The following MYRF variants were observed in gnomAD, a reference collection of about 807,000 sequenced individuals.
MYRF encodes the protein myelin regulatory factor.
Under a neutral mutation model 126.3 loss-of-function variants are expected in MYRF, and 16 were observed. That is an observed-to-expected ratio of 0.13 (90% CI 0.09 to 0.19). MYRF has a LOEUF of 0.19. MYRF is among the 10% of genes least tolerant of loss of function. MYRF has a pLI of 1.00. For missense variants in MYRF, 1,104 were observed against 1,547.0 expected, an observed-to-expected ratio of 0.71 and a Z score of 4.80; for synonymous variants, 608 against 635.3, an observed-to-expected ratio of 0.96 and a Z score of 0.65.
intron 1 of MYRF, among the ~76,000 whole-genome samples, chr11:61,759,359 T>A (rs1277886699): frequency 6.6e-6 from 1 of 152,186 alleles, no homozygotes; most frequent in African/African-American, 2.4e-5. Flanking sequence ...TGGCTAAAGA[T>A]TCTGGGTCTC....
Position 61,757,719 on chromosome 11 carries a change from A to T in MYRF, c.46+4929A>T. 1 of 362,058 alleles carries T rather than the reference A, an allele frequency of 2.8e-6. No homozygotes were observed. The highest frequency in any genetic ancestry group is 5.5e-6 in the Non-Finnish European group (1 of 181,084). 22.4% of individuals were successfully genotyped at this position (362,058 alleles called of 1,614,324 possible). A position where few individuals can be genotyped will look rare whatever the true frequency, so the allele number is the denominator to read the frequency against. ...AGGGGCTTGGCTGTATTGTGACTTC[A>T]TCTGCTGCACCCAGGCTCTTTGCAC... On this transcript the variant is annotated intron_variant, in intron 1 of 26. Coordinates refer to ENST00000278836, the MANE Select transcript of MYRF (RefSeq NM_001127392.3). This position sits in a 1 kb window ranked among gnomAD's most constrained non-coding sequence, Gnocchi z 4.7.
In MYRF at chr11:61,776,522, C is replaced by T; in HGVS notation, c.1499+90C>T. 9.4e-7 allele frequency: 1 copy of T among 1,060,348 alleles called. No homozygotes were observed. The highest frequency in any genetic ancestry group is 1.4e-6 in the Non-Finnish European group (1 of 716,808). The allele number at this position is 1,060,348 out of a possible 1,614,324, so 65.7% of individuals were successfully genotyped here. A position where few individuals can be genotyped will look rare whatever the true frequency, so the allele number is the denominator to read the frequency against. Reference sequence around the variant, plus strand: ...GTGGCACACCAGGCACAGAGTCCTACAGGCTGAGCCATTTCACAGATGAGA... The same window carrying T: ...GTGGCACACCAGGCACAGAGTCCTATAGGCTGAGCCATTTCACAGATGAGA... On this transcript the variant is annotated intron_variant, in intron 10 of 26. Coordinates refer to ENST00000278836, the MANE Select transcript of MYRF (RefSeq NM_001127392.3). The surrounding 1 kb of genome is among the most constrained non-coding windows in gnomAD (Gnocchi z 4.3).
chr11:61,786,187 C>T lies in MYRF; in HGVS notation c.*44C>T. The T allele has an allele frequency of 3.9e-6, 6 of 1,550,536 alleles. No homozygotes were observed. The highest frequency in any genetic ancestry group is 5.3e-6 in the Non-Finnish European group (6 of 1,122,780). On this transcript the variant is annotated 3_prime_UTR_variant, in exon 27 of 27. Transcript: ENST00000278836. The surrounding 1 kb of genome is among the most constrained non-coding windows in gnomAD (Gnocchi z 4.5). ...CACCACACCAGGGACCAGGGGTGCC[C>T]AGGCACCCCCCAACACTGGATGCAA... is the stretch of plus-strand genomic sequence containing the variant.
At chr11:61,773,599 G>A (rs999521285) in intron 7 of MYRF, among the ~76,000 whole-genome samples, 4 of 152,198 alleles carry the variant, frequency 2.6e-5, no homozygotes, top group Non-Finnish European at 2.9e-5. Context: ...GTGAGTGAGG[G>A]GGCTTCAGGC....
chr11:61,771,775 G>T (rs776195112), intron 6 of MYRF, 25 bp downstream of exon 6: 3 of 1,613,092 alleles, frequency 1.9e-6, no homozygotes, highest in Non-Finnish European at 2.5e-6. Flanking sequence ...AACTCTTCAA[G>T]GTGGGGTGTG....
At position 61,779,381 on chromosome 11, in the gene MYRF, G is replaced by A. The variant is rs1441208457; in HGVS notation, c.2132G>A (p.Arg711Gln). ...AGCCACAAGCTGGCCAAGCTGCGGC[G>A]GCTCGACAGCCTCAAGTCCACCGGC... Reference protein sequence around the residue: ...RWSHKLAKLRRLDSLKSTGSS... With the variant: ...RWSHKLAKLRQLDSLKSTGSS... Residue 711 changes from arginine (R) to glutamine (Q), a missense_variant, in exon 15 of 27, where the codon CGG (arginine) becomes CAG (glutamine). Physicochemically the swap from Arg to Gln is conservative, Grantham distance 43. Transcript: ENST00000278836. The A allele has an allele frequency of 1.3e-6, 2 of 1,551,258 alleles. No homozygotes were observed. The highest frequency in any genetic ancestry group is 8.7e-7 in the Non-Finnish European group (1 of 1,146,942).
chr11:61,762,624 GGCAA>G (rs1453273548), intron 1 of MYRF, among the ~76,000 whole-genome samples: 1 of 152,130 alleles, frequency 6.6e-6, no homozygotes, highest in Admixed American at 6.5e-5. Context: ...TCCCAGCTTC[GGCAA>G]GCCCCCACCC....
intron 1 of MYRF, among the ~76,000 whole-genome samples, chr11:61,765,227 A>C (rs2066022136): frequency 6.6e-6 from 1 of 152,228 alleles, no homozygotes; most frequent in South Asian, 2.1e-4. Flanking sequence ...CTCTCGACTC[A>C]GTAAGCACCT....
chr11:61,773,433 AGGAATGAGGAGGGAGTG>A (rs2066281098), intron 7 of MYRF, among the ~76,000 whole-genome samples: 1 of 152,154 alleles, frequency 6.6e-6, no homozygotes. Flanking sequence ...CGGAGGGAGT[AGGAATGAGGAGGGAGTG>A]GGAATGAGGG....
At chr11:61,772,946 C>G (rs2066267146) in intron 7 of MYRF, among the ~76,000 whole-genome samples, 1 of 152,158 alleles carries the variant, frequency 6.6e-6, no homozygotes, top group African/African-American at 2.4e-5. Flanking sequence ...CTCCTGTGAC[C>G]ACTCTTGTGC....
intron 1 of MYRF, among the ~76,000 whole-genome samples, chr11:61,759,543 G>A (rs1397610003): frequency 9.9e-5 from 15 of 152,226 alleles, no homozygotes; most frequent in African/African-American, 3.6e-4. Context: ...GGTGGCAGGC[G>A]CCTGTAGTCC....
Position 61,752,640 on chromosome 11 carries a change from C to A in MYRF, c.-105C>A. 1.1e-6 allele frequency: 1 copy of A among 899,652 alleles called. No individual in the cohort carries two copies. The highest frequency in any genetic ancestry group is 1.4e-6 in the Non-Finnish European group (1 of 703,370). 55.7% of individuals were successfully genotyped at this position (899,652 alleles called of 1,614,324 possible). ...GGCGGCGGACCGGGCGGGACCGTAG[C>A]CGGAGCCCAGCCGGGACTGTCGCGC... On this transcript the variant is annotated 5_prime_UTR_variant, in exon 1 of 27. Coordinates refer to ENST00000278836, the MANE Select transcript of MYRF (RefSeq NM_001127392.3).
In MYRF at chr11:61,780,951, C is replaced by G; in HGVS notation, c.2487-9C>G. Reference sequence around the variant, plus strand: ...GCCCCTCTGAGCTCAGCCCATCCTTCCCCAGCAGGTCCAGCCAGAGCTTTG... The same window carrying G: ...GCCCCTCTGAGCTCAGCCCATCCTTGCCCAGCAGGTCCAGCCAGAGCTTTG... On this transcript the variant is annotated splice_polypyrimidine_tract_variant and intron_variant, in intron 19 of 26. Transcript: ENST00000278836. 1 of 1,609,364 alleles carries G rather than the reference C, an allele frequency of 6.2e-7. No homozygotes were observed. The highest frequency in any genetic ancestry group is 8.5e-7 in the Non-Finnish European group (1 of 1,179,906).
Position 61,777,557 on chromosome 11 carries a change from A to T in MYRF, c.1791+93A>T. 1 of 1,450,696 alleles carries T rather than the reference A, an allele frequency of 6.9e-7. No individual in the cohort carries two copies. The allele number at this position is 1,450,696 out of a possible 1,614,324, so 89.9% of individuals were successfully genotyped here. A position where few individuals can be genotyped will look rare whatever the true frequency, so the allele number is the denominator to read the frequency against. On this transcript the variant is annotated intron_variant, in intron 12 of 26. Coordinates refer to ENST00000278836, the MANE Select transcript of MYRF (RefSeq NM_001127392.3). The surrounding 1 kb of genome is among the most constrained non-coding windows in gnomAD (Gnocchi z 8.8). Reference sequence around the variant, plus strand: ...GGGGAGGGGGCGTGACTACGCGGAAAGGCGGAGCTGCGGGGGAAGGAAGGG... The same window carrying T: ...GGGGAGGGGGCGTGACTACGCGGAATGGCGGAGCTGCGGGGGAAGGAAGGG...
intron 1 of MYRF, chr11:61,755,283 G>A: frequency 3.8e-6 from 5 of 1,315,710 alleles, no homozygotes; most frequent in Middle Eastern, 2.5e-4. Flanking sequence ...TTGGACCTCA[G>A]GTGGGAGGCC....
intron 3 of MYRF, chr11:61,767,113 A>G (rs1465289547): frequency 8.8e-6 from 4 of 456,274 alleles, no homozygotes; most frequent in African/African-American, 8.0e-5. Flanking sequence ...CCATGGACAC[A>G]TGGCCGGCCG....
chr11:61,775,269 G>A (rs556113724), intron 8 of MYRF, among the ~76,000 whole-genome samples: 1 of 152,126 alleles, frequency 6.6e-6, no homozygotes, highest in African/African-American at 2.4e-5. Flanking sequence ...GCTGCACCAC[G>A]GGGGCCTTGG....
At chr11:61,774,819 C>G (rs2066332256) in intron 8 of MYRF, among the ~76,000 whole-genome samples, 1 of 152,074 alleles carries the variant, frequency 6.6e-6, no homozygotes, top group Admixed American at 6.5e-5. Context: ...CTGCCTCCCT[C>G]TCGCCCCGTT....
rs2066479731 is a variant in MYRF at position 61,779,409 on chromosome 11, C to T, written c.2160C>T (p.Ser720=). 1.3e-6 allele frequency: 2 copies of T among 1,551,082 alleles called. No homozygotes were observed. The highest frequency in any genetic ancestry group is 2.4e-5 in the South Asian group (2 of 84,032). ...RRLDSLKSTG[S]SGAFSHAGSQ... The stretch of plus-strand genomic sequence containing the variant: ...TCGACAGCCTCAAGTCCACCGGCAG[C>T]TCGGGCGCCTTCAGGTAGGGGTGCG... Residue 720 remains serine, a synonymous_variant, in exon 15 of 27, where the codon AGC becomes AGT. Transcript: ENST00000278836.
Sources: allele counts gnomAD v4.1 joint callset (sites outside exome capture counted in the v4.1 genomes callset), GRCh38; gene constraint gnomAD v4.1.1; non-coding constraint Gnocchi (gnomAD v3.1); transcripts MANE v1.5; gene names NCBI Gene and HGNC (gene_info 2026-07-23, HGNC 2026-07-21).